The following PPCS variants were observed in gnomAD, a reference collection of about 807,000 sequenced individuals.
The protein encoded by PPCS is phosphopantothenate--cysteine ligase.
Under a neutral mutation model 24.6 loss-of-function variants are expected in PPCS, and 17 were observed. The ratio of observed to expected loss-of-function variants is 0.69; its 90% CI spans 0.47 to 1.04. The LOEUF is 1.04. Ranked by LOEUF, PPCS falls within the 50% of genes least tolerant of loss-of-function variation. PPCS has a pLI of 0.00. For missense variants in PPCS, 360 were observed against 402.8 expected, an observed-to-expected ratio of 0.89 and a Z score of 0.91; for synonymous variants, 190 against 168.3, an observed-to-expected ratio of 1.13 and a Z score of -1.00.
intron 2 of PPCS, among the ~76,000 whole-genome samples, chr1:42,472,501 G>C (rs1158316863): frequency 6.6e-6 from 1 of 151,978 alleles, no homozygotes; most frequent in African/African-American, 2.4e-5. Flanking sequence ...TAGAATTAGG[G>C]GCCTCTCTAG....
chr1:42,461,344 A>C (rs1384157701), downstream of PPCS, among the ~76,000 whole-genome samples: 1 of 152,112 alleles, frequency 6.6e-6, no homozygotes, highest in East Asian at 1.9e-4. Flanking sequence ...TGAACAAAAA[A>C]ATTTTCTTAG....
chr1:42,459,464 C>A, intron 2 of PPCS, 139 bp from the exon 3 acceptor site: 1 of 791,314 alleles, frequency 1.3e-6, no homozygotes, highest in Non-Finnish European at 2.0e-6. Flanking sequence ...TCCCCTAAGA[C>A]TTTTTAAACT....
At chr1:42,472,138 C>A (rs915274072) in intron 2 of PPCS, among the ~76,000 whole-genome samples, 1 of 152,088 alleles carries the variant, frequency 6.6e-6, no homozygotes, top group Non-Finnish European at 1.5e-5. Context: ...CCTGTAATCC[C>A]AGCTACTCAG....
rs1456870445 is a variant in PPCS, at chr1:42,467,261, C to G, written n.378-5861C>G. Among the ~76,000 whole-genome samples, 5 of 152,322 alleles carry G rather than the reference C, an allele frequency of 3.3e-5. No homozygotes were observed. The East Asian group carries it at 9.6e-4, about 29-fold the overall frequency. ...GCAAGTGATTTGCATTCAGGAGGATCAGTCTGGAGTTTTGCTGAGAATGGA... is the reference window on the plus strand; with the variant it reads ...GCAAGTGATTTGCATTCAGGAGGATGAGTCTGGAGTTTTGCTGAGAATGGA... On this transcript the variant is annotated intron_variant and non_coding_transcript_variant, in intron 2 of 2. Transcript: ENST00000471420.
upstream of PPCS, chr1:42,456,527 G>A (rs551746487): frequency 2.8e-5 from 40 of 1,438,650 alleles, 1 homozygote; most frequent in South Asian, 5.4e-4. Context: ...TGGCGCGGCG[G>A]CCGCGAAACG....
At position 42,457,087 on chromosome 1, in the gene PPCS, G is replaced by GA; in HGVS notation, c.508+15dup. 1 of 1,584,330 alleles carries GA rather than the reference G, an allele frequency of 6.3e-7. No homozygotes were observed. Among genetic ancestry groups the GA allele is most frequent in the Non-Finnish European group, 8.6e-7 (1 of 1,168,876 alleles). On this transcript the variant is annotated intron_variant, in intron 1 of 2. Transcript: ENST00000372561. Reference sequence around the variant, plus strand: ...TCAATCCGCTAGGTGCGTGCCCTAGGAGTACCCCTTTTGCCTGGAAGCACA... The same window carrying GA: ...TCAATCCGCTAGGTGCGTGCCCTAGGAAGTACCCCTTTTGCCTGGAAGCACA...
rs753362802 is a variant in PPCS at position 42,459,809 on chromosome 1, C to G, written c.819C>G (p.Asp273Glu). 10 of 1,614,032 alleles carry G rather than the reference C, an allele frequency of 6.2e-6. No individual in the cohort carries two copies. Among genetic ancestry groups the G allele is most frequent in the South Asian group, 1.1e-5 (1 of 91,080 alleles). The stretch of plus-strand genomic sequence containing the variant: ...CCTTTGTGTTTATTGTAACCAAAGA[C>G]TCGGAAACCAAGTTATTGCTATCAG... ...RQSFVFIVTKDSETKLLLSEE... is the reference protein window; with the variant it reads ...RQSFVFIVTKESETKLLLSEE... Residue 273 changes from aspartate (D) to glutamate (E), a missense_variant, in exon 3 of 3, where the codon GAC becomes GAG. By Grantham distance (45) the Asp-to-Glu change is conservative. Transcript: ENST00000372561.
chr1:42,456,980 G>A lies in PPCS; in HGVS notation c.415G>A (p.Ala139Thr). Residue 139 changes from alanine (A) to threonine (T), a missense_variant, in exon 1 of 3, where the codon GCG becomes ACG. This residue lies in a region of PPCS where 244 missense variants were observed against 234.7 expected (regional missense o/e 1.04). Coordinates refer to ENST00000372561, the MANE Select transcript of PPCS (RefSeq NM_024664.4). ...GGCTCTGAGGAGCTACCAGGAGGCT[G>A]CGGCTGCAGGCACCTTCCTGGCAGT... ...AEALRSYQEA[A>T]AAGTFLAVEF... 6.2e-7 allele frequency: 1 copy of A among 1,603,046 alleles called. No homozygotes were observed. Among genetic ancestry groups the A allele is most frequent in the Non-Finnish European group, 8.5e-7 (1 of 1,179,992 alleles).
At chr1:42,469,034 A>T (rs76558569) in intron 2 of PPCS, among the ~76,000 whole-genome samples, 1 of 151,876 alleles carries the variant, frequency 6.6e-6, no homozygotes, top group Admixed American at 6.6e-5. Context: ...AAAAAAAAAA[A>T]CTTTCAGGGA....
downstream of PPCS, among the ~76,000 whole-genome samples, chr1:42,462,412 C>T (rs753932959): frequency 2.6e-5 from 4 of 151,862 alleles, no homozygotes; most frequent in Admixed American, 6.6e-5. Context: ...CCTTTTAGTT[C>T]AGAAAAAAAC....
chr1:42,473,095 A>G, intron 2 of PPCS: 1 of 1,225,396 alleles, frequency 8.2e-7, no homozygotes, highest in Non-Finnish European at 1.0e-6. Flanking sequence ...GTGTGTTCAT[A>G]TACATATGCT....
At position 42,457,685 on chromosome 1, in the gene PPCS, G is replaced by T. The variant is rs140316961; in HGVS notation, c.612+335G>T. Reference sequence around the variant, plus strand: ...AAGATGAGCAGAACCGAGCGCGGTGGCTCACGCCTGTAATCCCAGCACTTT... The same window carrying T: ...AAGATGAGCAGAACCGAGCGCGGTGTCTCACGCCTGTAATCCCAGCACTTT... On this transcript the variant is annotated intron_variant, in intron 2 of 2. Coordinates refer to ENST00000372561, the MANE Select transcript of PPCS (RefSeq NM_024664.4). 1.5e-3 allele frequency: 359 copies of T among 240,978 alleles called. 2 individuals carry two copies. The highest frequency in any genetic ancestry group is 7.8e-3 in the African/African-American group (343 of 44,042). 14.9% of individuals were successfully genotyped at this position (240,978 alleles called of 1,614,324 possible). A position where few individuals can be genotyped will look rare whatever the true frequency, so the allele number is the denominator to read the frequency against.
chr1:42,464,368 GA>G (rs1643501713), downstream of PPCS, among the ~76,000 whole-genome samples: 1 of 152,204 alleles, frequency 6.6e-6, no homozygotes, highest in African/African-American at 2.4e-5. Context: ...TTATCAATGT[GA>G]AAAGGGCATT....
downstream of PPCS, among the ~76,000 whole-genome samples, chr1:42,465,087 A>G (rs1016695992): frequency 2.0e-5 from 3 of 152,224 alleles, no homozygotes; most frequent in African/African-American, 7.2e-5. Context: ...TTTATTGAAT[A>G]GCAAGGCATA....
intron 2 of PPCS, among the ~76,000 whole-genome samples, chr1:42,458,126 G>T (rs1380781089): frequency 6.6e-6 from 1 of 152,158 alleles, no homozygotes; most frequent in East Asian, 1.9e-4. Flanking sequence ...GGCTTGCTTT[G>T]TAGAAGACTT....
intron 2 of PPCS, chr1:42,473,064 C>T (rs910775989): frequency 4.1e-6 from 5 of 1,218,058 alleles, no homozygotes; most frequent in Non-Finnish European, 4.1e-6. Flanking sequence ...AGATATCTTG[C>T]ATCCTCAGTT....
chr1:42,457,649 C>G (rs565615068), intron 2 of PPCS: 2 of 388,422 alleles, frequency 5.1e-6, no homozygotes, highest in East Asian at 5.2e-5. Flanking sequence ...ATGAATTGAA[C>G]TGGGTTTTAA....
chr1:42,456,491 G>T (rs1274685254), upstream of PPCS: 2 of 1,396,710 alleles, frequency 1.4e-6, no homozygotes, highest in African/African-American at 1.5e-5. Flanking sequence ...GGCGCGGCGC[G>T]TACACCAGGT....
rs527252238 is a variant in PPCS, at chr1:42,456,549, C to G, written c.-17C>G. The G allele has an allele frequency of 6.2e-6, 9 of 1,452,016 alleles. No individual in the cohort carries two copies. The highest frequency in any genetic ancestry group is 1.4e-5 in the South Asian group (1 of 69,770). 89.9% of individuals were successfully genotyped at this position (1,452,016 alleles called of 1,614,324 possible). A position where few individuals can be genotyped will look rare whatever the true frequency, so the allele number is the denominator to read the frequency against. The stretch of plus-strand genomic sequence containing the variant: ...GCGGCCGCGAAACGTGCGCAGGCGC[C>G]GGCCGCTGCGCTGCAGATGGCGGAA... On this transcript the variant is annotated 5_prime_UTR_variant, in exon 1 of 3. Transcript: ENST00000372561.
Sources: allele counts gnomAD v4.1 joint callset (sites outside exome capture counted in the v4.1 genomes callset), GRCh38; gene constraint gnomAD v4.1.1; regional missense constraint gnomAD v4.1.1; transcripts MANE v1.5; gene names NCBI Gene and HGNC (gene_info 2026-07-23, HGNC 2026-07-21).